Variants in RBFOX1 observed in about 807,000 individuals in gnomAD.
The protein encoded by RBFOX1 is RNA binding fox-1 homolog 1.
Under a neutral mutation model 57.7 loss-of-function variants are expected in RBFOX1, and 8 were observed. The observed-to-expected ratio is 0.14, with a 90% CI of 0.08 to 0.25. The LOEUF is 0.25. Among genes scored for constraint, RBFOX1 ranks in the 10% least tolerant of loss-of-function variants. RBFOX1 has a pLI of 1.00. For missense variants in RBFOX1, 611 were observed against 548.5 expected (o/e 1.11, Z -1.14); for synonymous variants, 326 against 222.4 (o/e 1.47, Z -4.15).
chr16:6,832,104 T>C (rs4786942), intron 3 of RBFOX1, among the ~76,000 whole-genome samples: 8,019 of 152,324 alleles, frequency 0.053, 410 homozygotes, highest in Admixed American at 0.14. Context: ...CTATTTATTA[T>C]GTTAGGATAA....
At chr16:5,628,617 G>A (rs901231702) in intron 3 of RBFOX1, among the ~76,000 whole-genome samples, 1 of 152,176 alleles carries the variant, frequency 6.6e-6, no homozygotes, top group Non-Finnish European at 1.5e-5. Context: ...TGCAATAAGA[G>A]CGAAGATACC....
chr16:7,103,652 T>G (rs545199112), intron 4 of RBFOX1, among the ~76,000 whole-genome samples: 87 of 152,210 alleles, frequency 5.7e-4, no homozygotes, highest in Non-Finnish European at 1.0e-3. Flanking sequence ...TTTTGTTAAG[T>G]ACATGTCTTG....
At chr16:6,962,179 G>A (rs904714809) in intron 3 of RBFOX1, among the ~76,000 whole-genome samples, 1 of 152,060 alleles carries the variant, frequency 6.6e-6, no homozygotes, top group African/African-American at 2.4e-5. Flanking sequence ...ATGCTCCTTG[G>A]TTTATGGCAG....
intron 7 of RBFOX1, among the ~76,000 whole-genome samples, 165 bp downstream of exon 7, chr16:7,587,465 C>G (rs1014004755): frequency 2.6e-5 from 4 of 152,072 alleles, no homozygotes; most frequent in Middle Eastern, 6.3e-3. Context: ...GGAAAGACAT[C>G]GGGTTCAGTT....
intron 4 of RBFOX1, among the ~76,000 whole-genome samples, chr16:7,194,648 C>T (rs964185363): frequency 3.3e-5 from 5 of 152,122 alleles, no homozygotes; most frequent in African/African-American, 9.7e-5. Flanking sequence ...TGAATTTAGC[C>T]CAGGCACAGT....
At chr16:7,327,592 C>A (rs1294297317) in intron 4 of RBFOX1, among the ~76,000 whole-genome samples, 1 of 152,164 alleles carries the variant, frequency 6.6e-6, no homozygotes, top group Admixed American at 6.5e-5. Context: ...TGATAGTCAA[C>A]AAATGGCAAC....
rs1386069 is a variant in RBFOX1, at chr16:5,598,794, C to T, written c.259-108C>T. 7.1e-4 allele frequency: 577 copies of T among 815,090 alleles called. 1 individual carries two copies. In the African/African-American group the frequency reaches 8.8e-3, roughly 12 times the overall value. 50.5% of individuals were successfully genotyped at this position (815,090 alleles called of 1,614,324 possible). A position where few individuals can be genotyped will look rare whatever the true frequency, so the allele number is the denominator to read the frequency against. On this transcript the variant is annotated intron_variant, in intron 2 of 2. Transcript: ENST00000585867. The stretch of plus-strand genomic sequence containing the variant: ...AGAGACAGAGGGTACTGTGGCTAAA[C>T]GTGGTGAGACATTCTGGGTTGTGCT...
chr16:6,602,108 T>C (rs371261607), intron 2 of RBFOX1, among the ~76,000 whole-genome samples: 5 of 152,294 alleles, frequency 3.3e-5, no homozygotes, highest in African/African-American at 1.2e-4. Context: ...ATTGGCCATT[T>C]GTCTGTCTTC....
intron 3 of RBFOX1, among the ~76,000 whole-genome samples, chr16:5,720,711 A>G (rs1292196756): frequency 1.3e-5 from 2 of 152,186 alleles, no homozygotes; most frequent in East Asian, 3.8e-4. Context: ...AATGCCCTTT[A>G]TGCCCTCGTC....
chr16:7,213,841 G>A (rs1440019273), intron 4 of RBFOX1, among the ~76,000 whole-genome samples: 1 of 152,164 alleles, frequency 6.6e-6, no homozygotes, highest in Non-Finnish European at 1.5e-5. Flanking sequence ...GATGAGGGTT[G>A]AAAAAGTCCT....
At chr16:6,591,425 G>T (rs1403342632) in intron 2 of RBFOX1, among the ~76,000 whole-genome samples, 1 of 152,190 alleles carries the variant, frequency 6.6e-6, no homozygotes, top group Non-Finnish European at 1.5e-5. Context: ...CTGCACTCCA[G>T]TCTGGGTGTC....
intron 4 of RBFOX1, among the ~76,000 whole-genome samples, chr16:7,423,503 G>A (rs1598093183): frequency 6.6e-6 from 1 of 152,098 alleles, no homozygotes; most frequent in African/African-American, 2.4e-5. Flanking sequence ...GGGGTAGCTT[G>A]TGAGGGGAGG....
chr16:7,668,290 C>A (rs2070106435), intron 13 of RBFOX1, among the ~76,000 whole-genome samples: 1 of 152,162 alleles, frequency 6.6e-6, no homozygotes, highest in South Asian at 2.1e-4. Context: ...ATCCCTGTAA[C>A]TGGCAAGCCA....
intron 1 of RBFOX1, among the ~76,000 whole-genome samples, chr16:6,033,093 G>A (rs748932145): frequency 3.9e-5 from 6 of 152,132 alleles, no homozygotes; most frequent in Admixed American, 1.3e-4. Flanking sequence ...TGCAGTTTAC[G>A]TTGTTACCGT....
intron 2 of RBFOX1, among the ~76,000 whole-genome samples, chr16:6,609,502 C>T (rs897477213): frequency 6.6e-6 from 1 of 152,088 alleles, no homozygotes. Flanking sequence ...TGCCACCACA[C>T]TTGGCTAATT....
intron 3 of RBFOX1, among the ~76,000 whole-genome samples, chr16:6,767,935 TAATAATAATAATAAGAAG>T (rs1208828276): frequency 1.2e-3 from 108 of 93,232 alleles, no homozygotes; most frequent in Non-Finnish European, 1.7e-3. Context: ...ATAATAATAA[TAATAATAATAATAAGAAG>T]AAGAAGAAGA....
chr16:7,024,926 C>T (rs1212745234), intron 3 of RBFOX1, among the ~76,000 whole-genome samples: 1 of 152,074 alleles, frequency 6.6e-6, no homozygotes, highest in East Asian at 1.9e-4. Context: ...TAGAGGAGGA[C>T]ACTGAGGCCC....
At chr16:6,419,585 C>T (rs541353045) in intron 2 of RBFOX1, among the ~76,000 whole-genome samples, 1 of 152,260 alleles carries the variant, frequency 6.6e-6, no homozygotes, top group African/African-American at 2.4e-5. Flanking sequence ...AGAGTGGGCC[C>T]CGTGCCAATT....
At chr16:7,695,953 C>T (rs370097527) in intron 14 of RBFOX1, among the ~76,000 whole-genome samples, 1 of 152,186 alleles carries the variant, frequency 6.6e-6, no homozygotes, top group African/African-American at 2.4e-5. Flanking sequence ...AGGCAGCCAT[C>T]AGGGGCTTCG....
Sources: allele counts gnomAD v4.1 joint callset (sites outside exome capture counted in the v4.1 genomes callset), GRCh38; gene constraint gnomAD v4.1.1; transcripts MANE v1.5; gene names NCBI Gene and HGNC (gene_info 2026-07-23, HGNC 2026-07-21).